SDSL: variants seen among roughly 807,000 people sequenced by gnomAD.
SDSL encodes serine dehydratase-like.
A neutral mutation model predicts 27.6 loss-of-function variants in SDSL; 26 were observed. The ratio of observed to expected loss-of-function variants is 0.94; its 90% CI spans 0.69 to 1.31. SDSL has a LOEUF of 1.31. Ranked by LOEUF, SDSL falls within the 50% of genes most tolerant of loss-of-function variation. The probability of loss-of-function intolerance (pLI) is 0.00; values close to 1 mark genes in which losing one functional copy is unlikely to be tolerated. For missense variants in SDSL, 431 were observed against 423.5 expected (o/e 1.02, Z -0.16); for synonymous variants, 196 against 180.6 (o/e 1.09, Z -0.69).
At chr12:113,422,711 T>G (rs1957806056) in intron 1 of SDSL, 1 of 152,270 alleles carries the variant, frequency 6.6e-6, no homozygotes, top group African/African-American at 2.4e-5. Flanking sequence ...GGGTTCTGCC[T>G]GCCAGAGGGG....
chr12:113,425,583 A>G, intron 1 of SDSL: 1 of 446,978 alleles, frequency 2.2e-6, no homozygotes, highest in East Asian at 7.0e-5. Flanking sequence ...GGACAAGAGG[A>G]GCTGGCTGTA....
chr12:113,428,447 G>A lies in SDSL; in HGVS notation c.202G>A (p.Val68Met), dbSNP rs1957878034. 7 of 1,612,510 alleles carry A rather than the reference G, an allele frequency of 4.3e-6. No homozygotes were observed. Among genetic ancestry groups the A allele is most frequent in the Non-Finnish European group, 5.9e-6 (7 of 1,179,692 alleles). Residue 68 changes from valine (V) to methionine (M), a missense_variant, in exon 3 of 8, where the codon GTG becomes ATG. Val to Met is a conservative substitution (Grantham distance 21). Coordinates refer to ENST00000403593, the MANE Select transcript of SDSL (RefSeq NM_001304993.2). ...EMAKKGCRHL[V>M]CSSGGNAGIA... is the part of the protein sequence containing the mutation. ...GGCCAAGAAGGGATGCAGACACCTG[G>A]TGTGCTCCTCAGGTGACCCCACCTT...
rs149197891 is a variant in SDSL, at chr12:113,428,056, C to T, written c.74C>T (p.Ala25Val). The change falls in exon 2 of 8, where the codon GCG becomes GTG. Residue 25 changes from alanine (A) to valine (V), a missense_variant. Ala to Val is a moderately conservative substitution (Grantham distance 64). Coordinates refer to ENST00000403593, the MANE Select transcript of SDSL (RefSeq NM_001304993.2). ...GTCACACCTCTGTTGGAGAGCTGGG[C>T]GCTGTCCCAGGTGGCGGGCATGCCT... ...HVVTPLLESWALSQVAGMPVF... is the reference protein window; with the variant it reads ...HVVTPLLESWVLSQVAGMPVF... The T allele has an allele frequency of 5.5e-5, 89 of 1,613,934 alleles. No individual in the cohort carries two copies. The highest frequency in any genetic ancestry group is 4.3e-4 in the African/African-American group (32 of 75,030).
chr12:113,437,902 G>A lies in SDSL; in HGVS notation c.813G>A (p.Leu271=), dbSNP rs1958018611. ...VQQLLDDERM[L]VEPACGAALA... The stretch of plus-strand genomic sequence containing the variant: ...TCCTGGCAGATGATGAGCGTATGCT[G>A]GTGGAGCCTGCCTGTGGGGCAGCCT... Residue 271 remains leucine (L), a synonymous_variant, in exon 8 of 8, where the codon CTG becomes CTA. Transcript: ENST00000403593. 2.5e-6 allele frequency: 4 copies of A among 1,609,120 alleles called. No homozygotes were observed. In the South Asian group the frequency reaches 3.3e-5, roughly 13 times the overall value.
At chr12:113,428,385 G>C in intron 2 of SDSL, 35 bp from the exon 3 acceptor site, 1 of 1,600,598 alleles carries the variant, frequency 6.2e-7, no homozygotes, top group East Asian at 2.2e-5. Flanking sequence ...ACACCTGCTT[G>C]GGTTAGCCGC....
At chr12:113,431,030 C>T (rs1422978528) in intron 4 of SDSL, among the ~76,000 whole-genome samples, 3 of 152,234 alleles carry the variant, frequency 2.0e-5, no homozygotes, top group African/African-American at 7.2e-5. Context: ...GGATCCAGGA[C>T]AGGCTCCCAA....
At position 113,435,610 on chromosome 12, in the gene SDSL, C is replaced by T. The variant is rs1957981825; in HGVS notation, c.671+54C>T. On this transcript the variant is annotated intron_variant, in intron 6 of 7. Coordinates refer to ENST00000403593, the MANE Select transcript of SDSL (RefSeq NM_001304993.2). ...GGCTGGAGGGTGGGTGTGCCACTGT[C>T]CTAGGGCCTTCCAGTCCCAGCCGGT... 2.1e-6 allele frequency: 3 copies of T among 1,459,270 alleles called. No individual in the cohort carries two copies. In the East Asian group the frequency reaches 7.0e-5, roughly 34 times the overall value. 90.4% of individuals were successfully genotyped at this position (1,459,270 alleles called of 1,614,324 possible).
rs1243393544 is a variant in SDSL, at chr12:113,435,534, G to T, written c.649G>T (p.Val217Phe). ...FNAAITAGKL[V>F]TLPDITSVAK... is the part of the protein sequence containing the mutation. ...TGCGGCCATCACAGCCGGCAAGCTG[G>T]TCACACTTCCAGACATCACCAGGTG... The change falls in exon 6 of 8, where the codon GTC becomes TTC. Residue 217 changes from valine to phenylalanine, a missense_variant. Physicochemically the swap from Val to Phe is conservative, Grantham distance 50. Transcript: ENST00000403593. 8.2e-5 allele frequency: 133 copies of T among 1,613,670 alleles called. No homozygotes were observed. Among genetic ancestry groups the T allele is most frequent in the Non-Finnish European group, 1.1e-4 (129 of 1,179,828 alleles).
chr12:113,425,473 A>C (rs1957835355), intron 1 of SDSL, among the ~76,000 whole-genome samples: 1 of 152,190 alleles, frequency 6.6e-6, no homozygotes, highest in Non-Finnish European at 1.5e-5. Context: ...TTAAGGGTGG[A>C]CAAGAAGGTT....
intron 1 of SDSL, chr12:113,426,110 C>A: frequency 4.5e-6 from 2 of 447,262 alleles, no homozygotes; most frequent in South Asian, 3.1e-5. Context: ...CCCCTGCTGG[C>A]ACCCTTGTCC....
Position 113,437,889 on chromosome 12 carries a change from A to G in SDSL, c.800A>G (p.Asp267Gly). 1 of 1,595,770 alleles carries G rather than the reference A, an allele frequency of 6.3e-7. No individual in the cohort carries two copies. The highest frequency in any genetic ancestry group is 8.5e-7 in the Non-Finnish European group (1 of 1,171,306). The stretch of plus-strand genomic sequence containing the variant: ...CTCCATCCCCCGATCCTGGCAGATG[A>G]TGAGCGTATGCTGGTGGAGCCTGCC... ...AVSAVQQLLDDERMLVEPACG... is the reference protein window; with the variant it reads ...AVSAVQQLLDGERMLVEPACG... Residue 267 changes from aspartate to glycine, a missense_variant, in exon 8 of 8, where the codon GAT becomes GGT. Physicochemically the swap from Asp to Gly is moderately conservative, Grantham distance 94. Coordinates refer to ENST00000403593, the MANE Select transcript of SDSL (RefSeq NM_001304993.2).
chr12:113,437,086 C>G (rs1958006431), intron 7 of SDSL: 1 of 366,968 alleles, frequency 2.7e-6, no homozygotes, highest in Non-Finnish European at 4.8e-6. Flanking sequence ...GACTTTCATA[C>G]ATGCTGCTCC....
At chr12:113,434,272 C>A in intron 5 of SDSL, 50 bp downstream of exon 5, 2 of 1,416,780 alleles carry the variant, frequency 1.4e-6, no homozygotes, top group Non-Finnish European at 1.9e-6. Flanking sequence ...GAGACCTTCA[C>A]TGAGTCAGGG....
rs922572502 is a variant in SDSL, at chr12:113,422,482, G to A, written c.-22+5G>A. The A allele has an allele frequency of 2.0e-5, 3 of 152,982 alleles. No individual in the cohort carries two copies. The highest frequency in any genetic ancestry group is 7.2e-5 in the African/African-American group (3 of 41,488). 9.5% of individuals were successfully genotyped at this position (152,982 alleles called of 1,614,324 possible). ...CTGGGATAGTTGGGCAGGGAGGTAA[G>A]GGGTCTGGGGCCAGCTGGGGCCCCT... On this transcript the variant is annotated splice_donor_5th_base_variant and intron_variant, in intron 1 of 7. Coordinates refer to ENST00000403593, the MANE Select transcript of SDSL (RefSeq NM_001304993.2).
rs769320217 is a variant in SDSL, at chr12:113,434,204, T to C, written c.425T>C (p.Phe142Ser). The C allele has an allele frequency of 2.5e-6, 4 of 1,613,340 alleles. No individual in the cohort carries two copies. In the East Asian group the frequency reaches 6.7e-5, roughly 27 times the overall value. ...GACGGCTGGGAGAATGTCCCCCCGT[T>C]TGACCACCCCCTAATATGGTAAGGC... ...KRDGWENVPP[F>S]DHPLIWKGHA... The change falls in exon 5 of 8, where the codon TTT becomes TCT. Residue 142 changes from phenylalanine (F) to serine (S), a missense_variant. Coordinates refer to ENST00000403593, the MANE Select transcript of SDSL (RefSeq NM_001304993.2).
At chr12:113,429,502 G>A (rs1473472820) in intron 4 of SDSL, among the ~76,000 whole-genome samples, 1 of 152,226 alleles carries the variant, frequency 6.6e-6, no homozygotes, top group African/African-American at 2.4e-5. Flanking sequence ...TGCCCACCCT[G>A]AGAAGTACCC....
At position 113,435,344 on chromosome 12, in the gene SDSL, C is replaced by T. The variant is rs1465959174; in HGVS notation, c.459C>T (p.Ser153=). Reference sequence around the variant, plus strand: ...CCCTCCCCAGGAAAGGCCACGCCAGCCTGGTGCAGGAGCTGAAAGCAGTGC... The same window carrying T: ...CCCTCCCCAGGAAAGGCCACGCCAGTCTGGTGCAGGAGCTGAAAGCAGTGC... ...DHPLIWKGHA[S]LVQELKAVLR... Residue 153 remains serine, a synonymous_variant, in exon 6 of 8, where the codon AGC becomes AGT. Coordinates refer to ENST00000403593, the MANE Select transcript of SDSL (RefSeq NM_001304993.2). 3 of 1,542,110 alleles carry T rather than the reference C, an allele frequency of 1.9e-6. No homozygotes were observed. The highest frequency in any genetic ancestry group is 2.6e-6 in the Non-Finnish European group (3 of 1,143,990).
intron 1 of SDSL, chr12:113,426,417 T>A (rs1241883928): frequency 3.1e-6 from 1 of 326,050 alleles, no homozygotes; most frequent in Non-Finnish European, 6.2e-6. Flanking sequence ...CAGCCACTGA[T>A]CATATTTAAT....
chr12:113,435,592 G>A, intron 6 of SDSL, 36 bp downstream of exon 6: 2 of 1,560,676 alleles, frequency 1.3e-6, no homozygotes, highest in Non-Finnish European at 1.8e-6. Context: ...AGGGGCTGGA[G>A]GGTGGGTGTG....
Sources: allele counts gnomAD v4.1 joint callset (sites outside exome capture counted in the v4.1 genomes callset), GRCh38; gene constraint gnomAD v4.1.1; transcripts MANE v1.5; gene names NCBI Gene and HGNC (gene_info 2026-07-23, HGNC 2026-07-21).